Variants in MPP7 observed in about 807,000 individuals in gnomAD.
MPP7 encodes the protein MAGUK p55 subfamily member 7.
MPP7 carries 60 observed loss-of-function variants against 76.5 expected under a neutral mutation model. The observed-to-expected ratio is 0.78, with a 90% CI of 0.64 to 0.97. The LOEUF is 0.97. Among genes scored for constraint, MPP7 ranks in the 50% least tolerant of loss-of-function variants. MPP7 has a pLI of 0.00. For missense variants in MPP7, 641 were observed against 694.0 expected (o/e 0.92, Z 0.86); for synonymous variants, 237 against 244.5 (o/e 0.97, Z 0.29).
At chr10:28,089,138 C>A (rs1853163429) in intron 12 of MPP7, among the ~76,000 whole-genome samples, 1 of 152,156 alleles carries the variant, frequency 6.6e-6, no homozygotes, top group African/African-American at 2.4e-5. Context: ...GTCTCAAACT[C>A]CTGACCTCAA....
At chr10:28,082,128 C>A (rs1243466326) in intron 12 of MPP7, among the ~76,000 whole-genome samples, 1 of 152,094 alleles carries the variant, frequency 6.6e-6, no homozygotes, top group Non-Finnish European at 1.5e-5. Context: ...TTGTAGGAGC[C>A]AAGGAAATAA....
intron 2 of MPP7, among the ~76,000 whole-genome samples, chr10:28,204,082 G>C (rs981633863): frequency 6.6e-6 from 1 of 152,130 alleles, no homozygotes. Flanking sequence ...AGCATTTCAC[G>C]TAACTTAACT....
intron 2 of MPP7, among the ~76,000 whole-genome samples, chr10:28,212,565 T>C (rs1055351569): frequency 1.3e-5 from 2 of 152,098 alleles, no homozygotes; most frequent in Non-Finnish European, 2.9e-5. Flanking sequence ...GGCACATGAT[T>C]TGTACTTAAA....
rs375446313 is a variant in MPP7 at position 28,238,587 on chromosome 10, C to T, written c.18G>A (p.Thr6=). Residue 6 remains threonine, a synonymous_variant, in exon 2 of 17, where the codon ACG becomes ACA. Transcript: ENST00000683449. MPALS[T]GSGSDTGLYE... ...ACATACCAGTGTCACTCCCAGATCC[C>T]GTTGACAAAGCTGGCATGATGCAAG... 11 of 1,613,982 alleles carry T rather than the reference C, an allele frequency of 6.8e-6. No individual in the cohort carries two copies. The highest frequency in any genetic ancestry group is 5.3e-5 in the African/African-American group (4 of 74,890).
At chr10:28,253,749 A>G (rs1195540837) in intron 1 of MPP7, among the ~76,000 whole-genome samples, 3 of 152,000 alleles carry the variant, frequency 2.0e-5, no homozygotes, top group African/African-American at 4.8e-5. Context: ...TAATCCCAGC[A>G]TTTTCGGAGG....
intron 11 of MPP7, among the ~76,000 whole-genome samples, chr10:28,119,437 G>A (rs1293512551): frequency 2.0e-5 from 3 of 152,042 alleles, no homozygotes; most frequent in African/African-American, 7.2e-5. Context: ...GTGAGTCATG[G>A]ATTTATTATT....
At chr10:28,156,472 A>C (rs907804356) in intron 3 of MPP7, among the ~76,000 whole-genome samples, 2 of 152,218 alleles carry the variant, frequency 1.3e-5, no homozygotes, top group African/African-American at 4.8e-5. Flanking sequence ...CCTATATTCA[A>C]GAAGAGAATT....
intron 3 of MPP7, among the ~76,000 whole-genome samples, chr10:28,196,767 A>G (rs555326835): frequency 1.3e-5 from 2 of 152,174 alleles, no homozygotes; most frequent in Non-Finnish European, 2.9e-5. Context: ...ACTGAACATC[A>G]GCCTCCCTCT....
intron 3 of MPP7, among the ~76,000 whole-genome samples, chr10:28,164,606 T>C (rs1836382455): frequency 6.6e-6 from 1 of 152,140 alleles, no homozygotes; most frequent in Non-Finnish European, 1.5e-5. Flanking sequence ...GTGTCCAACC[T>C]GTGGCCCATG....
intron 1 of MPP7, among the ~76,000 whole-genome samples, chr10:28,242,021 CTT>C (rs1387545089): frequency 2.0e-5 from 3 of 152,140 alleles, no homozygotes; most frequent in Admixed American, 6.5e-5. Context: ...GTGTTTAAAA[CTT>C]GTTTTCAGTA....
At chr10:28,097,120 G>A (rs918829390) in intron 11 of MPP7, among the ~76,000 whole-genome samples, 1 of 152,014 alleles carries the variant, frequency 6.6e-6, no homozygotes, top group South Asian at 2.1e-4. Context: ...CTCCCAAGCA[G>A]CTGGACATAC....
At chr10:28,127,249 G>C (rs1364180828) in intron 6 of MPP7, among the ~76,000 whole-genome samples, 1 of 152,084 alleles carries the variant, frequency 6.6e-6, no homozygotes, top group Non-Finnish European at 1.5e-5. Flanking sequence ...TGTTTATTGA[G>C]AACTTACTCT....
chr10:28,287,146 CA>C (rs1198159994), intron 1 of MPP7, among the ~76,000 whole-genome samples: 5 of 150,158 alleles, frequency 3.3e-5, no homozygotes, highest in Admixed American at 6.6e-5. Flanking sequence ...CCTGTTGCTT[CA>C]AAAAAAAATA....
upstream of MPP7, among the ~76,000 whole-genome samples, chr10:28,304,537 G>A (rs1841235903): frequency 6.6e-6 from 1 of 152,098 alleles, no homozygotes; most frequent in Non-Finnish European, 1.5e-5. Context: ...GTCTTTGGAG[G>A]ACAGAATAAC....
At chr10:28,124,005 A>G in intron 8 of MPP7, 26 bp downstream of exon 8, 1 of 1,415,920 alleles carries the variant, frequency 7.1e-7, no homozygotes. Context: ...TTTTTATTGT[A>G]CCTTTAAAAG....
chr10:28,245,151 T>C (rs1839391173), intron 1 of MPP7, among the ~76,000 whole-genome samples: 2 of 152,172 alleles, frequency 1.3e-5, no homozygotes, highest in Non-Finnish European at 2.9e-5. Flanking sequence ...CTATTTTTGC[T>C]CTGTATCTCT....
chr10:28,105,180 C>CAAAAAAAAAAAAAAAAAAA (rs1834281560), intron 11 of MPP7, among the ~76,000 whole-genome samples: 1 of 96,958 alleles, frequency 1.0e-5, no homozygotes. Context: ...AAAAAAAAAG[C>CAAAAAAAAAAAAAAAAAAA]AAAAACCCTG....
intron 3 of MPP7, among the ~76,000 whole-genome samples, chr10:28,169,814 TTAAC>T (rs1197496886): frequency 6.6e-6 from 1 of 152,196 alleles, no homozygotes; most frequent in Non-Finnish European, 1.5e-5. Flanking sequence ...GACCACTCTA[TTAAC>T]TAGTATGTAG....
In MPP7 at chr10:28,093,529, C is replaced by A. The variant is rs571753766; in HGVS notation, c.953-3688G>T. ...TGGTGCAATCTCAGCTCACTGCAGC[C>A]TCTGCCTCCCAGGTTCAAGCGATTC... On this transcript the variant is annotated intron_variant, in intron 11 of 16. Coordinates refer to ENST00000683449, the MANE Select transcript of MPP7 (RefSeq NM_001318170.2). Among the ~76,000 whole-genome samples the A allele has an allele frequency of 5.3e-5, 8 of 151,766 alleles. No individual in the cohort carries two copies. The South Asian group carries it at 6.2e-4, about 12-fold the overall frequency.
Sources: allele counts gnomAD v4.1 joint callset (sites outside exome capture counted in the v4.1 genomes callset), GRCh38; gene constraint gnomAD v4.1.1; transcripts MANE v1.5; gene names NCBI Gene and HGNC (gene_info 2026-07-23, HGNC 2026-07-21).